The following VSTM4 variants were observed in gnomAD, a reference collection of about 807,000 sequenced individuals.
VSTM4 encodes the protein V-set and transmembrane domain containing 4.
In VSTM4, 20 loss-of-function variants were observed where a neutral mutation model predicts 36.4. The ratio of observed to expected loss-of-function variants is 0.55; its 90% confidence interval spans 0.39 to 0.80. The LOEUF is 0.80. Among genes scored for constraint, VSTM4 ranks in the 30% least tolerant of loss-of-function variants. The pLI is 0.00. For synonymous variants in VSTM4, 182 were observed against 173.9 expected, an observed-to-expected ratio of 1.05 and a Z score of -0.37; for missense variants, 392 against 404.5, an observed-to-expected ratio of 0.97 and a Z score of 0.26.
chr10:49,070,414 A>G (rs1280132822), intron 4 of VSTM4, among the ~76,000 whole-genome samples: 1 of 61,184 alleles, frequency 1.6e-5, no homozygotes, highest in Non-Finnish European at 3.1e-5. Flanking sequence ...GTGACTACTA[A>G]AAAAAAAAAT....
At chr10:49,107,184 G>A (rs993718503) in intron 2 of VSTM4, among the ~76,000 whole-genome samples, 1 of 152,190 alleles carries the variant, frequency 6.6e-6, no homozygotes, top group Non-Finnish European at 1.5e-5. Context: ...ACAAATCAGA[G>A]TTGAGTCCAG....
intron 1 of VSTM4, among the ~76,000 whole-genome samples, chr10:49,111,280 C>T (rs1221600461): frequency 2.0e-5 from 3 of 152,138 alleles, no homozygotes; most frequent in Admixed American, 6.5e-5. Flanking sequence ...TATCTTCCCC[C>T]GCAGTCATCA....
At chr10:49,037,977 AT>A (rs1843459367) in intron 7 of VSTM4, among the ~76,000 whole-genome samples, 1 of 152,110 alleles carries the variant, frequency 6.6e-6, no homozygotes, top group South Asian at 2.1e-4. Context: ...TGGTGAGGAT[AT>A]GAAGAAATTG....
At chr10:49,073,624 G>C (rs1844121817) in intron 4 of VSTM4, among the ~76,000 whole-genome samples, 1 of 152,168 alleles carries the variant, frequency 6.6e-6, no homozygotes, top group African/African-American at 2.4e-5. Context: ...TTTCCAGGGG[G>C]AACAATCCTG....
chr10:49,060,513 C>A (rs1043370329), intron 5 of VSTM4, among the ~76,000 whole-genome samples: 37 of 152,192 alleles, frequency 2.4e-4, no homozygotes, highest in African/African-American at 8.4e-4. Flanking sequence ...AGGAAAATAT[C>A]TGCTCAAATC....
At chr10:49,101,287 T>C (rs892154760) in intron 2 of VSTM4, among the ~76,000 whole-genome samples, 1 of 151,846 alleles carries the variant, frequency 6.6e-6, no homozygotes, top group Admixed American at 6.6e-5. Flanking sequence ...AAAGAAAATA[T>C]AAACAACGTG....
chr10:49,083,252 T>C (rs187576603), intron 3 of VSTM4, among the ~76,000 whole-genome samples: 2 of 152,256 alleles, frequency 1.3e-5, no homozygotes, highest in East Asian at 3.9e-4. Context: ...AATACCTGAG[T>C]GATAGCCCCA....
chr10:49,086,416 G>T (rs1485428407), intron 2 of VSTM4, among the ~76,000 whole-genome samples: 1 of 152,210 alleles, frequency 6.6e-6, no homozygotes, highest in African/African-American at 2.4e-5. Flanking sequence ...GGAACCTGAA[G>T]TCATCAGATG....
chr10:49,028,009 C>G (rs1459023180), intron 7 of VSTM4, among the ~76,000 whole-genome samples: 3 of 152,208 alleles, frequency 2.0e-5, no homozygotes, highest in Non-Finnish European at 2.9e-5. Flanking sequence ...GCCTATTTGT[C>G]CAGGGTGGAC....
intron 4 of VSTM4, among the ~76,000 whole-genome samples, chr10:49,071,910 C>T (rs563690887): frequency 1.3e-5 from 2 of 152,206 alleles, no homozygotes; most frequent in African/African-American, 2.4e-5. Flanking sequence ...AAACCATGAA[C>T]AGAACAAGGG....
At chr10:49,105,720 T>G (rs1844769118) in intron 2 of VSTM4, among the ~76,000 whole-genome samples, 1 of 152,184 alleles carries the variant, frequency 6.6e-6, no homozygotes, top group African/African-American at 2.4e-5. Flanking sequence ...AGCTTTTATA[T>G]GCTTTATTTG....
At chr10:49,099,730 C>T (rs747049327) in intron 2 of VSTM4, among the ~76,000 whole-genome samples, 37 of 152,172 alleles carry the variant, frequency 2.4e-4, no homozygotes, top group Admixed American at 1.9e-3. Context: ...GTAATAAAAA[C>T]GACATCAACA....
At chr10:49,110,842 T>C (rs1844880289) in intron 1 of VSTM4, among the ~76,000 whole-genome samples, 1 of 152,130 alleles carries the variant, frequency 6.6e-6, no homozygotes, top group Non-Finnish European at 1.5e-5. Context: ...GTTTCTGTTG[T>C]GTAAGTACCC....
chr10:49,040,292 T>C (rs947928667), intron 7 of VSTM4, among the ~76,000 whole-genome samples: 2 of 151,652 alleles, frequency 1.3e-5, no homozygotes, highest in African/African-American at 4.8e-5. Context: ...CACTTTCTTC[T>C]TTTTTTTTGA....
At position 49,044,018 on chromosome 10, in the gene VSTM4, G is replaced by A. The variant is rs114636843; in HGVS notation, c.837+2965C>T. On this transcript the variant is annotated intron_variant, in intron 7 of 7. Coordinates refer to ENST00000332853, the MANE Select transcript of VSTM4 (RefSeq NM_001031746.5). ...CTTATTGATTGGCAGGTGTTCATATGTTCTAGATAAGAAACCTTTGTCAGG... is the reference window on the plus strand; with the variant it reads ...CTTATTGATTGGCAGGTGTTCATATATTCTAGATAAGAAACCTTTGTCAGG... Among the ~76,000 whole-genome samples, 1,344 of 152,250 alleles carry A rather than the reference G, an allele frequency of 8.8e-3. 27 individuals are homozygous for A. The highest frequency in any genetic ancestry group is 0.03 in the African/African-American group (1,250 of 41,546).
chr10:49,086,054 G>GA, intron 2 of VSTM4, 31 bp from the exon 3 acceptor site: 2 of 1,458,194 alleles, frequency 1.4e-6, no homozygotes, highest in Middle Eastern at 1.8e-4. Flanking sequence ...AGCACAGTAT[G>GA]AAAAAATAAT....
At chr10:49,086,625 G>A (rs4317904) in intron 2 of VSTM4, among the ~76,000 whole-genome samples, 104,509 of 152,156 alleles carry the variant, frequency 0.69, 37,606 homozygotes, top group African/African-American at 0.91. Context: ...AGGAGTCTGG[G>A]CCCACGGAAA....
intron 5 of VSTM4, among the ~76,000 whole-genome samples, chr10:49,062,887 A>C (rs1843904422): frequency 6.6e-6 from 1 of 152,140 alleles, no homozygotes; most frequent in South Asian, 2.1e-4. Flanking sequence ...TCTCCTATTG[A>C]GCCCGAACAG....
intron 7 of VSTM4, among the ~76,000 whole-genome samples, chr10:49,021,162 T>C (rs1407504426): frequency 6.6e-6 from 1 of 152,048 alleles, no homozygotes; most frequent in Non-Finnish European, 1.5e-5. Context: ...CTAAAAGTTA[T>C]TTTTCAATAA....
Sources: gnomAD v4.1 joint callset for allele counts (sites outside exome capture counted in the v4.1 genomes callset) on GRCh38, gnomAD v4.1.1 for gene constraint, MANE v1.5 for transcripts, NCBI Gene and HGNC (gene_info 2026-07-23, HGNC 2026-07-21) for gene names.